The following PPP3CC variants were observed in gnomAD, a reference collection of about 807,000 sequenced individuals.
PPP3CC encodes protein phosphatase 3 catalytic subunit gamma, also known as serine/threonine-protein phosphatase 2B catalytic subunit gamma isoform.
Under a neutral mutation model 60.3 loss-of-function variants are expected in PPP3CC, and 35 were observed. The observed-to-expected ratio is 0.58, with a 90% confidence interval of 0.44 to 0.77. The LOEUF (loss-of-function observed/expected upper bound fraction) is 0.77. PPP3CC is among the 30% of genes least tolerant of loss of function. The pLI is 0.00. For synonymous variants in PPP3CC, 206 were observed against 224.3 expected (o/e 0.92, Z 0.73); for missense variants, 570 against 628.9 (o/e 0.91, Z 1.00).
chr8:22,495,004 C>T (rs1415905095), intron 3 of PPP3CC, among the ~76,000 whole-genome samples: 1 of 152,108 alleles, frequency 6.6e-6, no homozygotes, highest in Non-Finnish European at 1.5e-5. Flanking sequence ...TGCAGTGGCA[C>T]GATCATGATC....
chr8:22,501,461 G>A (rs948948627), intron 4 of PPP3CC, among the ~76,000 whole-genome samples: 5 of 152,150 alleles, frequency 3.3e-5, no homozygotes, highest in Admixed American at 6.5e-5. Flanking sequence ...TCTCATCTGG[G>A]GCTTAGGGTC....
intron 5 of PPP3CC, 39 bp from the exon 6 acceptor site, chr8:22,513,254 C>T (rs1340305394): frequency 6.3e-7 from 1 of 1,591,414 alleles, no homozygotes; most frequent in South Asian, 1.1e-5. Flanking sequence ...GCCTTTTGCT[C>T]TCCTGATTTT....
At chr8:22,461,370 G>A (rs1001243131) in intron 1 of PPP3CC, among the ~76,000 whole-genome samples, 4 of 152,082 alleles carry the variant, frequency 2.6e-5, no homozygotes, top group Non-Finnish European at 5.9e-5. Context: ...CCTGTCTGCT[G>A]ATATCCAAAA....
intron 3 of PPP3CC, among the ~76,000 whole-genome samples, chr8:22,489,860 C>T (rs533309305): frequency 6.7e-6 from 1 of 149,866 alleles, no homozygotes; most frequent in East Asian, 1.9e-4. Flanking sequence ...CTTGCTCTGT[C>T]TCCCAGGCTG....
At chr8:22,522,591 C>T (rs1356849139) in intron 7 of PPP3CC, 23 bp downstream of exon 7, 1 of 1,594,908 alleles carries the variant, frequency 6.3e-7, no homozygotes, top group African/African-American at 1.3e-5. Context: ...AAAATTGTAC[C>T]AAATATCGCT....
Position 22,530,724 on chromosome 8 carries a change from C to T in PPP3CC, c.1142-1501C>T, listed in dbSNP as rs534251950. On this transcript the variant is annotated intron_variant, in intron 10 of 13. Coordinates refer to ENST00000240139, the MANE Select transcript of PPP3CC (RefSeq NM_005605.5). ...GCACACACCTGTAGTCCCAGCTACT[C>T]GGGAGGCTGAGGCAGGAGAATTGCT... Among the ~76,000 whole-genome samples, 36 of 144,954 alleles carry T rather than the reference C, an allele frequency of 2.5e-4. 1 individual carries two copies. Among genetic ancestry groups the T allele is most frequent in the South Asian group, 1.6e-3 (7 of 4,380 alleles).
At chr8:22,482,710 G>T (rs1838105505) in intron 3 of PPP3CC, among the ~76,000 whole-genome samples, 1 of 152,188 alleles carries the variant, frequency 6.6e-6, no homozygotes, top group Non-Finnish European at 1.5e-5. Context: ...TTCTTCTTAT[G>T]TGATGTTCAC....
At chr8:22,443,507 T>G in intron 1 of PPP3CC, among the ~76,000 whole-genome samples, 3 of 119,942 alleles carry the variant, frequency 2.5e-5, no homozygotes, top group African/African-American at 6.7e-5. Flanking sequence ...GGCAACAGAG[T>G]GAAACTCTCT....
chr8:22,453,211 G>T (rs967466827), intron 1 of PPP3CC, among the ~76,000 whole-genome samples: 1 of 152,128 alleles, frequency 6.6e-6, no homozygotes, highest in Non-Finnish European at 1.5e-5. Flanking sequence ...CATAGTGGGT[G>T]GTTAATAAAT....
intron 1 of PPP3CC, among the ~76,000 whole-genome samples, chr8:22,459,455 A>G (rs866496860): frequency 9.3e-5 from 14 of 150,252 alleles, no homozygotes; most frequent in South Asian, 6.3e-4. Context: ...TCACTTTGTT[A>G]TGTGTGTGTG....
Position 22,449,246 on chromosome 8 carries a change from C to T in PPP3CC, c.49+7788C>T, listed in dbSNP as rs370617404. 8.6e-5 allele frequency among the ~76,000 whole-genome samples: 13 copies of T among 152,002 alleles called. 1 individual carries two copies. The highest frequency in any genetic ancestry group is 1.4e-4 in the African/African-American group (6 of 41,484). Reference sequence around the variant, plus strand: ...GCTGGATCACTTGAGCTCAGGAATTCGAGACTAGCCTGGCAACATGGTGAA... The same window carrying T: ...GCTGGATCACTTGAGCTCAGGAATTTGAGACTAGCCTGGCAACATGGTGAA... On this transcript the variant is annotated intron_variant, in intron 1 of 13. Transcript: ENST00000240139.
chr8:22,514,324 A>T (rs2117099101), intron 6 of PPP3CC, among the ~76,000 whole-genome samples: 1 of 150,728 alleles, frequency 6.6e-6, no homozygotes, highest in Non-Finnish European at 1.5e-5. Flanking sequence ...CCAGTATTTT[A>T]TTGTGGCAAA....
intron 1 of PPP3CC, among the ~76,000 whole-genome samples, chr8:22,459,980 C>T (rs956808111): frequency 3.9e-5 from 6 of 152,070 alleles, no homozygotes; most frequent in African/African-American, 1.2e-4. Context: ...AATATCTATA[C>T]TGCATTAGTG....
intron 3 of PPP3CC, among the ~76,000 whole-genome samples, chr8:22,490,277 C>G (rs1347226565): frequency 6.6e-6 from 1 of 152,108 alleles, no homozygotes; most frequent in African/African-American, 2.4e-5. Flanking sequence ...GTTGCAGGAC[C>G]CTGACCCTGT....
At chr8:22,534,013 A>G (rs1443561330) in intron 12 of PPP3CC, among the ~76,000 whole-genome samples, 1 of 151,942 alleles carries the variant, frequency 6.6e-6, no homozygotes, top group African/African-American at 2.4e-5. Flanking sequence ...AGCCTGGCCA[A>G]TACAGCAAAA....
chr8:22,504,398 C>G (rs1283712076), intron 4 of PPP3CC, among the ~76,000 whole-genome samples: 1 of 152,036 alleles, frequency 6.6e-6, no homozygotes, highest in African/African-American at 2.4e-5. Flanking sequence ...AACTCCTGGG[C>G]TTAAGTGATT....
intron 3 of PPP3CC, chr8:22,492,633 T>A (rs1186840705): frequency 4.7e-6 from 3 of 631,876 alleles, no homozygotes; most frequent in Non-Finnish European, 8.7e-6. Flanking sequence ...CAAACAGTTA[T>A]GAGCCAGGAA....
chr8:22,530,829 C>CAAACAAAAAAAAAAAAA (rs1839691242), intron 10 of PPP3CC, among the ~76,000 whole-genome samples: 36 of 58,034 alleles, frequency 6.2e-4, no homozygotes, highest in African/African-American at 1.7e-3. Flanking sequence ...AGACTCATCT[C>CAAACAAAAAAAAAAAAA]AAAAAAAAAA....
chr8:22,459,832 T>G (rs1837315294), intron 1 of PPP3CC, among the ~76,000 whole-genome samples: 1 of 152,176 alleles, frequency 6.6e-6, no homozygotes, highest in African/African-American at 2.4e-5. Flanking sequence ...GGAAAAATCT[T>G]TGTGACTTTG....
Sources: gnomAD v4.1 joint callset for allele counts (sites outside exome capture counted in the v4.1 genomes callset) on GRCh38, gnomAD v4.1.1 for gene constraint, MANE v1.5 for transcripts, NCBI Gene and HGNC (gene_info 2026-07-23, HGNC 2026-07-21) for gene names.